Variants in RASSF6 observed in about 807,000 individuals in gnomAD.
RASSF6 encodes the protein Ras association domain family member 6.
A neutral mutation model predicts 44.0 loss-of-function variants in RASSF6; 52 were observed. The observed-to-expected ratio is 1.18, with a 90% CI of 0.95 to 1.49. RASSF6 has a LOEUF of 1.49. Ranked by LOEUF, RASSF6 falls within the 40% of genes most tolerant of loss-of-function variation. The pLI is 0.00. For synonymous variants in RASSF6, 162 were observed against 124.6 expected (o/e 1.30, Z -2.00); for missense variants, 464 against 393.3 (o/e 1.18, Z -1.52).
At chr4:73,584,102 C>T (rs555885317) in intron 6 of RASSF6, among the ~76,000 whole-genome samples, 6 of 152,162 alleles carry the variant, frequency 3.9e-5, no homozygotes, top group African/African-American at 1.4e-4. Flanking sequence ...ACTATCAATG[C>T]TACTTTATAG....
At chr4:73,600,293 C>A (rs1041481279) in intron 2 of RASSF6, among the ~76,000 whole-genome samples, 12 of 151,606 alleles carry the variant, frequency 7.9e-5, no homozygotes, top group African/African-American at 2.9e-4. Context: ...CATAGCAGGA[C>A]AAATTCTGGT....
Position 73,620,301 on chromosome 4 carries a change from T to A in RASSF6, c.-48A>T, listed in dbSNP as rs2149404066. On this transcript the variant is annotated 5_prime_UTR_variant, in exon 1 of 11. Coordinates refer to ENST00000307439, the MANE Select transcript of RASSF6 (RefSeq NM_177532.5). Reference sequence around the variant, plus strand: ...CCCATTTTTTACCTGTTATTCACACTGTGAGCAGGAGGACCCTTTTCACCA... The same window carrying A: ...CCCATTTTTTACCTGTTATTCACACAGTGAGCAGGAGGACCCTTTTCACCA... The A allele has an allele frequency of 4.8e-6, 7 of 1,448,390 alleles. No homozygotes were observed. In the African/African-American group the frequency reaches 7.3e-5, roughly 15 times the overall value. The allele number at this position is 1,448,390 out of a possible 1,614,324, so 89.7% of individuals were successfully genotyped here. A position where few individuals can be genotyped will look rare whatever the true frequency, so the allele number is the denominator to read the frequency against.
intron 1 of RASSF6, among the ~76,000 whole-genome samples, chr4:73,612,695 GTTAAACTCACTAGGTAC>G (rs2149398604): frequency 6.6e-6 from 1 of 152,142 alleles, no homozygotes; most frequent in East Asian, 1.9e-4. Flanking sequence ...ATAGCATGTT[GTTAAACTCACTAGGTAC>G]TTTGTTACAG....
intron 8 of RASSF6, among the ~76,000 whole-genome samples, chr4:73,577,531 G>A (rs1272903149): frequency 6.6e-6 from 1 of 152,038 alleles, no homozygotes; most frequent in Non-Finnish European, 1.5e-5. Flanking sequence ...CATTCCCTGA[G>A]CTGGACTTAT....
chr4:73,580,390 T>C (rs2149364770), intron 8 of RASSF6, among the ~76,000 whole-genome samples: 1 of 149,286 alleles, frequency 6.7e-6, no homozygotes, highest in African/African-American at 2.4e-5. Flanking sequence ...ATATACCCAG[T>C]AATGGGATGG....
intron 2 of RASSF6, among the ~76,000 whole-genome samples, chr4:73,603,080 T>G (rs1725390994): frequency 6.6e-6 from 1 of 151,948 alleles, no homozygotes; most frequent in Admixed American, 6.6e-5. Context: ...GGAGCAAGTT[T>G]CCGTCTCAAA....
At chr4:73,583,164 C>T (rs1298314440) in intron 6 of RASSF6, among the ~76,000 whole-genome samples, 3 of 152,096 alleles carry the variant, frequency 2.0e-5, no homozygotes, top group African/African-American at 4.8e-5. Flanking sequence ...TTAGTGCCCA[C>T]TAAATGCCCA....
At chr4:73,593,406 T>C in intron 4 of RASSF6, 45 bp downstream of exon 4, 1 of 1,562,988 alleles carries the variant, frequency 6.4e-7, no homozygotes, top group Non-Finnish European at 8.7e-7. Flanking sequence ...AAACTAGATA[T>C]GAAGATCATC....
At chr4:73,610,650 G>T (rs1198077288) in intron 2 of RASSF6, among the ~76,000 whole-genome samples, 4 of 152,152 alleles carry the variant, frequency 2.6e-5, no homozygotes, top group Admixed American at 2.6e-4. Context: ...TGCATGGCTT[G>T]CTTTCTCCCT....
chr4:73,586,150 G>A (rs1724071812), intron 5 of RASSF6, among the ~76,000 whole-genome samples: 1 of 151,348 alleles, frequency 6.6e-6, no homozygotes, highest in South Asian at 2.1e-4. Context: ...AAAAGCAAAA[G>A]GAATAGTATG....
intron 1 of RASSF6, among the ~76,000 whole-genome samples, chr4:73,616,600 T>C (rs1247599): frequency 0.99 from 150,133 of 152,230 alleles, 74,060 homozygotes; most frequent in East Asian, 1. Flanking sequence ...AATTATTTCT[T>C]TTTTTATTTT....
chr4:73,599,083 C>T (rs1346350677), intron 2 of RASSF6, among the ~76,000 whole-genome samples: 1 of 152,192 alleles, frequency 6.6e-6, no homozygotes. Flanking sequence ...GATACCATCT[C>T]TCTATACACT....
In RASSF6 at chr4:73,589,901, T is replaced by TA. The variant is rs1343782761; in HGVS notation, c.288-1968dup. ...GACAAATAGAATATGGTCACTTCCC[T>TA]ACCCATACTGTAAGTAAAAAAACAC... On this transcript the variant is annotated intron_variant, in intron 4 of 10. Coordinates refer to ENST00000307439, the MANE Select transcript of RASSF6 (RefSeq NM_177532.5). 2.6e-5 allele frequency among the ~76,000 whole-genome samples: 4 copies of TA among 152,164 alleles called. No homozygotes were observed. In the East Asian group the frequency reaches 7.7e-4, roughly 29 times the overall value.
At chr4:73,603,136 C>T (rs1725394680) in intron 2 of RASSF6, among the ~76,000 whole-genome samples, 1 of 152,138 alleles carries the variant, frequency 6.6e-6, no homozygotes, top group African/African-American at 2.4e-5. Flanking sequence ...ACAAATTTCT[C>T]ACACTTTTAT....
Position 73,582,280 on chromosome 4 carries a change from A to G in RASSF6, c.578T>C (p.Phe193Ser), listed in dbSNP as rs748174834. The change falls in exon 7 of 11, where the codon TTC becomes TCC. Residue 193 changes from phenylalanine to serine, a missense_variant. Coordinates refer to ENST00000307439, the MANE Select transcript of RASSF6 (RefSeq NM_177532.5). ...AGTTTCTGATTCAAAGGCTGGAATG[A>G]AAATTGATGTCTAGAAAAAGAATTG... ...GHFYNHETSI[F>S]IPAFESETKV... is the part of the protein sequence containing the mutation. 82 of 1,559,028 alleles carry G rather than the reference A, an allele frequency of 5.3e-5. No homozygotes were observed. The highest frequency in any genetic ancestry group is 6.6e-5 in the Non-Finnish European group (75 of 1,137,188).
chr4:73,595,147 T>C (rs1724842550), intron 3 of RASSF6, among the ~76,000 whole-genome samples: 1 of 152,198 alleles, frequency 6.6e-6, no homozygotes, highest in Non-Finnish European at 1.5e-5. Flanking sequence ...CTCATACAGT[T>C]TTTAAAAATT....
At chr4:73,593,344 G>T in intron 4 of RASSF6, 107 bp downstream of exon 4, 1 of 1,089,878 alleles carries the variant, frequency 9.2e-7, no homozygotes, top group Non-Finnish European at 1.3e-6. Context: ...GAGATTGTGT[G>T]TAATCAGTTT....
intron 5 of RASSF6, among the ~76,000 whole-genome samples, chr4:73,586,713 A>T (rs535187763): frequency 4.7e-4 from 71 of 152,094 alleles, no homozygotes; most frequent in African/African-American, 1.6e-3. Flanking sequence ...TATTTTTATG[A>T]TGTCTTTGAT....
chr4:73,580,142 G>A (rs1462113375), intron 8 of RASSF6, among the ~76,000 whole-genome samples: 1 of 150,772 alleles, frequency 6.6e-6, no homozygotes, highest in Non-Finnish European at 1.5e-5. Context: ...TTGTTCTTGC[G>A]ATAGTTTACT....
Sources: gnomAD v4.1 joint callset for allele counts (sites outside exome capture counted in the v4.1 genomes callset) on GRCh38, gnomAD v4.1.1 for gene constraint, MANE v1.5 for transcripts, NCBI Gene and HGNC (gene_info 2026-07-23, HGNC 2026-07-21) for gene names.